Variants in TNFRSF8 observed in about 807,000 individuals in gnomAD.
TNFRSF8 encodes tumor necrosis factor receptor superfamily member 8.
Under a neutral mutation model 70.8 loss-of-function variants are expected in TNFRSF8, and 26 were observed. The ratio of observed to expected loss-of-function variants is 0.37; its 90% confidence interval spans 0.27 to 0.51. The LOEUF is 0.51. Ranked by LOEUF, TNFRSF8 falls within the 20% of genes least tolerant of loss-of-function variation. The pLI is 0.94. For synonymous variants in TNFRSF8, 356 were observed against 339.2 expected, an observed-to-expected ratio of 1.05 and a Z score of -0.54; for missense variants, 720 against 807.9, an observed-to-expected ratio of 0.89 and a Z score of 1.32.
In TNFRSF8 at chr1:12,106,607, T is replaced by A. The variant is rs1570036301; in HGVS notation, c.421+2076T>A. ...CCCATAGAGATTCATTGAATTAAGA[T>A]ATGGGGACACCTGACAGGGAGCTCC... On this transcript the variant is annotated intron_variant, in intron 4 of 14. Transcript: ENST00000263932. 2.0e-5 allele frequency among the ~76,000 whole-genome samples: 3 copies of A among 152,156 alleles called. No homozygotes were observed. The Middle Eastern group carries it at 0.01, about 518-fold the overall frequency.
At chr1:12,069,628 G>T in intron 1 of TNFRSF8, among the ~76,000 whole-genome samples, 1 of 152,178 alleles carries the variant, frequency 6.6e-6, no homozygotes, top group East Asian at 1.9e-4. Context: ...TGAGCTCAAG[G>T]CTCCTCATCT....
At chr1:12,079,231 A>G (rs1641020337) in intron 1 of TNFRSF8, among the ~76,000 whole-genome samples, 1 of 152,170 alleles carries the variant, frequency 6.6e-6, no homozygotes, top group Admixed American at 6.5e-5. Flanking sequence ...AAATAGACAG[A>G]CCTGAAAATG....
At position 12,123,979 on chromosome 1, in the gene TNFRSF8, G is replaced by A. The variant is rs537474715; in HGVS notation, c.1153+152G>A. ...CCCCAGGTTTCTGGCTTCTTGAGTTGGTGCTGTGGCTCTGGCACTTGCTAG... is the reference window on the plus strand; with the variant it reads ...CCCCAGGTTTCTGGCTTCTTGAGTTAGTGCTGTGGCTCTGGCACTTGCTAG... On this transcript the variant is annotated intron_variant, in intron 10 of 14. Coordinates refer to ENST00000263932, the MANE Select transcript of TNFRSF8 (RefSeq NM_001243.5). 2.4e-4 allele frequency: 152 copies of A among 624,502 alleles called. No homozygotes were observed. The South Asian group carries it at 2.6e-3, about 11-fold the overall frequency. The allele number at this position is 624,502 out of a possible 1,614,324, so 38.7% of individuals were successfully genotyped here. A position where few individuals can be genotyped will look rare whatever the true frequency, so the allele number is the denominator to read the frequency against.
Position 12,142,365 on chromosome 1 carries a change from C to A in TNFRSF8, c.1622C>A (p.Ala541Glu). Residue 541 changes from alanine to glutamate, a missense_variant, in exon 15 of 15, where the codon GCG (alanine) becomes GAG (glutamate). Physicochemically the swap from Ala to Glu is moderately radical, Grantham distance 107. Coordinates refer to ENST00000263932, the MANE Select transcript of TNFRSF8 (RefSeq NM_001243.5). The surrounding 1 kb of genome is among the most constrained non-coding windows in gnomAD (Gnocchi z 5.0). ...GAGCTGCCGGAGGGCCGGGGCCTGGCGGGGCCAGCAGAGCCCGAGTTGGAG... is the reference window on the plus strand; with the variant it reads ...GAGCTGCCGGAGGGCCGGGGCCTGGAGGGGCCAGCAGAGCCCGAGTTGGAG... Reference protein sequence around the residue: ...KAELPEGRGLAGPAEPELEEE... With the variant: ...KAELPEGRGLEGPAEPELEEE... 6.2e-7 allele frequency: 1 copy of A among 1,609,498 alleles called. No individual in the cohort carries two copies. Among genetic ancestry groups the A allele is most frequent in the Non-Finnish European group, 8.5e-7 (1 of 1,178,274 alleles).
chr1:12,077,095 T>C (rs1487929096), intron 1 of TNFRSF8, among the ~76,000 whole-genome samples: 1 of 152,076 alleles, frequency 6.6e-6, no homozygotes, highest in Non-Finnish European at 1.5e-5. Flanking sequence ...TTTTGTATCT[T>C]TTGTAGAGAC....
rs891241962 is a variant in TNFRSF8, at chr1:12,103,397, G to A, written c.269-982G>A. ...TAAACTATTTCTTAGAGCAGTTTTA[G>A]GTTTACAGGAAAATTGAACAGAAAA... On this transcript the variant is annotated intron_variant, in intron 3 of 14. Transcript: ENST00000263932. Among the ~76,000 whole-genome samples, 4 of 151,898 alleles carry A rather than the reference G, an allele frequency of 2.6e-5. No homozygotes were observed. In the East Asian group the frequency reaches 5.8e-4, roughly 22 times the overall value.
At position 12,074,722 on chromosome 1, in the gene TNFRSF8, C is replaced by T. The variant is rs1372874929; in HGVS notation, c.64-9742C>T. Among the ~76,000 whole-genome samples, 3 of 152,186 alleles carry T rather than the reference C, an allele frequency of 2.0e-5. No homozygotes were observed. In the East Asian group the frequency reaches 5.8e-4, roughly 29 times the overall value. On this transcript the variant is annotated intron_variant, in intron 1 of 14. Transcript: ENST00000263932. Reference sequence around the variant, plus strand: ...AGAGTAAGTAACCACATCAAAGGTTCTGAGAAGCCCCGTGATCTAAAATGG... The same window carrying T: ...AGAGTAAGTAACCACATCAAAGGTTTTGAGAAGCCCCGTGATCTAAAATGG...
rs773549918 is a variant in TNFRSF8 at position 12,065,078 on chromosome 1, C to CTTTTTTTT, written c.63+1432_63+1439dup. 1.1e-4 allele frequency among the ~76,000 whole-genome samples: 10 copies of CTTTTTTTT among 88,262 alleles called. 1 individual carries two copies. The highest frequency in any genetic ancestry group is 4.3e-4 in the South Asian group (1 of 2,328). The allele number at this position is 88,262 out of a possible 152,430, so 57.9% of individuals were successfully genotyped here. On this transcript the variant is annotated intron_variant, in intron 1 of 14. Transcript: ENST00000263932. The stretch of plus-strand genomic sequence containing the variant: ...TACAGCCTGAACTCTCATACCAAAC[C>CTTTTTTTT]TTTTTTTTTTTTTTTTTTTTTTGAG...
chr1:12,126,080 G>T, intron 11 of TNFRSF8, 28 bp downstream of exon 11: 1 of 1,612,330 alleles, frequency 6.2e-7, no homozygotes, highest in South Asian at 1.1e-5. Context: ...TGGGGCCTTG[G>T]GGAGGACAGG....
At chr1:12,137,684 C>T (rs1471560674) in intron 13 of TNFRSF8, among the ~76,000 whole-genome samples, 3 of 151,430 alleles carry the variant, frequency 2.0e-5, no homozygotes, top group East Asian at 3.9e-4. Flanking sequence ...TTTTAGAATG[C>T]TTGAGTGTGA....
chr1:12,123,579 C>T, intron 9 of TNFRSF8, 136 bp from the exon 10 acceptor site: 1 of 936,960 alleles, frequency 1.1e-6, no homozygotes, highest in East Asian at 2.7e-5. Context: ...CCTCAAAATG[C>T]CTGGCAGAGA....
chr1:12,102,108 G>C (rs1230165769), intron 3 of TNFRSF8, among the ~76,000 whole-genome samples: 1 of 152,162 alleles, frequency 6.6e-6, no homozygotes, highest in East Asian at 1.9e-4. Flanking sequence ...TTGAGTGTTA[G>C]TGCTCTTTGC....
At chr1:12,140,750 G>A (rs1642236994) in intron 14 of TNFRSF8, among the ~76,000 whole-genome samples, 1 of 152,176 alleles carries the variant, frequency 6.6e-6, no homozygotes, top group African/African-American at 2.4e-5. Flanking sequence ...GAGGGGACCA[G>A]CCTGTCCCCA....
chr1:12,111,220 C>T (rs748357272), intron 6 of TNFRSF8, among the ~76,000 whole-genome samples: 2 of 151,430 alleles, frequency 1.3e-5, no homozygotes, highest in Non-Finnish European at 2.9e-5. Flanking sequence ...CTTGCTCTGT[C>T]GCCCAGACTG....
At chr1:12,115,414 T>C (rs564865802) in intron 7 of TNFRSF8, among the ~76,000 whole-genome samples, 163 bp from the exon 8 acceptor site, 18 of 152,342 alleles carry the variant, frequency 1.2e-4, no homozygotes, top group African/African-American at 4.3e-4. Context: ...CAGAATTATT[T>C]TGAGCATGCT....
intron 2 of TNFRSF8, among the ~76,000 whole-genome samples, chr1:12,093,923 T>C (rs1293385292): frequency 6.6e-6 from 1 of 151,830 alleles, no homozygotes; most frequent in Non-Finnish European, 1.5e-5. Context: ...TACAAACAAT[T>C]AACCGGTCAT....
chr1:12,083,138 AC>A (rs1223691463), intron 1 of TNFRSF8, among the ~76,000 whole-genome samples: 1 of 152,218 alleles, frequency 6.6e-6, no homozygotes, highest in Non-Finnish European at 1.5e-5. Flanking sequence ...AGATGGCTAA[AC>A]TTTTAAAAAC....
chr1:12,115,641 C>T lies in TNFRSF8; in HGVS notation c.858C>T (p.Gly286=). 1 of 1,614,208 alleles carries T rather than the reference C, an allele frequency of 6.2e-7. No homozygotes were observed. The highest frequency in any genetic ancestry group is 8.5e-7 in the Non-Finnish European group (1 of 1,180,034). The change falls in exon 8 of 15, where the codon GGC becomes GGT. Residue 286 remains glycine (G), a synonymous_variant. Transcript: ENST00000263932. The part of the protein sequence containing the change: ...NSSRTCECRP[G]MICATSATNS... ...CCCGCACCTGCGAATGTCGACCTGGCATGATCTGTGCCACATCAGCCACCA... is the reference window on the plus strand; with the variant it reads ...CCCGCACCTGCGAATGTCGACCTGGTATGATCTGTGCCACATCAGCCACCA...
chr1:12,139,113 T>C (rs1642208886), intron 14 of TNFRSF8, among the ~76,000 whole-genome samples: 1 of 152,182 alleles, frequency 6.6e-6, no homozygotes, highest in South Asian at 2.1e-4. Context: ...TTGCTTCTCA[T>C]CACCTTGGTA....
Sources: gnomAD v4.1 joint callset for allele counts (sites outside exome capture counted in the v4.1 genomes callset) on GRCh38, gnomAD v4.1.1 for gene constraint, Gnocchi (gnomAD v3.1) non-coding constraint, MANE v1.5 for transcripts, NCBI Gene and HGNC (gene_info 2026-07-23, HGNC 2026-07-21) for gene names.